Variants in MAP3K3 observed in about 807,000 individuals in gnomAD.
MAP3K3 encodes the protein MAP/ERK kinase kinase 3.
In MAP3K3, 12 loss-of-function variants were observed where a neutral mutation model predicts 80.9. The observed-to-expected ratio is 0.15, with a 90% CI of 0.10 to 0.24. The LOEUF is 0.24. Among genes scored for constraint, MAP3K3 ranks in the 10% least tolerant of loss-of-function variants. MAP3K3 has a pLI of 1.00. For synonymous variants in MAP3K3, 272 were observed against 307.1 expected (o/e 0.89, Z 1.19); for missense variants, 596 against 834.7 (o/e 0.71, Z 3.52).
Position 63,657,876 on chromosome 17 carries a change from G to C in MAP3K3, c.350G>C (p.Arg117Thr), listed in dbSNP as rs1404085613. The C allele has an allele frequency of 6.2e-7, 1 of 1,604,794 alleles. No individual in the cohort carries two copies. The highest frequency in any genetic ancestry group is 1.3e-5 in the African/African-American group (1 of 74,716). Residue 117 changes from arginine to threonine, a missense_variant, in exon 5 of 16, where the codon AGG becomes ACG. By Grantham distance (71) the Arg-to-Thr change is moderately conservative (BLOSUM62 -1). This residue lies in a region of MAP3K3 where 232 missense variants were observed against 245.8 expected (regional missense o/e 0.94). Coordinates refer to ENST00000361733, the MANE Select transcript of MAP3K3 (RefSeq NM_002401.5). Reference sequence around the variant, plus strand: ...AGAAGCTCAAGCATGAAAAGCCTTAGGATATTGCTGTTGTCCCAGGACAGA... The same window carrying C: ...AGAAGCTCAAGCATGAAAAGCCTTACGATATTGCTGTTGTCCCAGGACAGA... ...LDRSSSMKSL[R>T]ILLLSQDRNH... is the part of the protein sequence containing the mutation.
At chr17:63,660,372 C>CTT (rs796191998) in intron 5 of MAP3K3, among the ~76,000 whole-genome samples, 2 of 142,284 alleles carry the variant, frequency 1.4e-5, no homozygotes, top group African/African-American at 5.1e-5. Context: ...CTTGGCTTTT[C>CTT]TTTTTTTTTT....
At chr17:63,688,083 T>G in intron 8 of MAP3K3, 1 of 229,542 alleles carries the variant, frequency 4.4e-6, no homozygotes, top group Non-Finnish European at 8.7e-6. Flanking sequence ...ATTTTTATTA[T>G]ATGGTGTATT....
rs2035332799 is a variant in MAP3K3, at chr17:63,681,414, TAG to T, written c.503-349_503-348del. Among the ~76,000 whole-genome samples, 4 of 152,306 alleles carry T rather than the reference TAG, an allele frequency of 2.6e-5. No homozygotes were observed. The South Asian group carries it at 8.3e-4, about 32-fold the overall frequency. ...ATGGGAGGAAATGGCATTAGTGCTC[TAG>T]AGGAAGAGAGAAGGTGACATTATGA... On this transcript the variant is annotated intron_variant, in intron 6 of 15. Coordinates refer to ENST00000361733, the MANE Select transcript of MAP3K3 (RefSeq NM_002401.5).
chr17:63,665,439 A>G (rs2034981739), intron 5 of MAP3K3, among the ~76,000 whole-genome samples: 1 of 152,110 alleles, frequency 6.6e-6, no homozygotes, highest in Non-Finnish European at 1.5e-5. Flanking sequence ...TGCTGGGATT[A>G]TAGGCATGAG....
At chr17:63,675,653 G>A (rs2035203930) in intron 6 of MAP3K3, among the ~76,000 whole-genome samples, 1 of 152,218 alleles carries the variant, frequency 6.6e-6, no homozygotes, top group African/African-American at 2.4e-5. Flanking sequence ...CTCCTTCTGT[G>A]TAAAATACCT....
chr17:63,627,184 A>G (rs1259368184), intron 1 of MAP3K3, among the ~76,000 whole-genome samples: 1 of 152,204 alleles, frequency 6.6e-6, no homozygotes, highest in African/African-American at 2.4e-5. Context: ...CTGGGGAATT[A>G]CTTAAAACTG....
intron 6 of MAP3K3, among the ~76,000 whole-genome samples, chr17:63,677,082 TG>T (rs1423474468): frequency 1.1e-4 from 16 of 152,192 alleles, no homozygotes. Flanking sequence ...TACTGTGAGA[TG>T]GGGTTATGCG....
chr17:63,665,580 G>A (rs575120291), intron 5 of MAP3K3, among the ~76,000 whole-genome samples: 1 of 152,284 alleles, frequency 6.6e-6, no homozygotes, highest in East Asian at 1.9e-4. Flanking sequence ...ATTCAGGCAG[G>A]TGGCAGGGTG....
At chr17:63,681,726 C>A in intron 6 of MAP3K3, 40 bp from the exon 7 acceptor site, 2 of 1,387,234 alleles carry the variant, frequency 1.4e-6, no homozygotes, top group African/African-American at 1.5e-5. Flanking sequence ...GGCCACACAC[C>A]CTGGGCTCTG....
chr17:63,669,746 C>T (rs2035067079), intron 6 of MAP3K3, among the ~76,000 whole-genome samples: 1 of 152,214 alleles, frequency 6.6e-6, no homozygotes, highest in African/African-American at 2.4e-5. Context: ...GCCACCACGC[C>T]TCAACCTATC....
chr17:63,653,568 A>G (rs1470782574), intron 4 of MAP3K3, among the ~76,000 whole-genome samples: 1 of 152,134 alleles, frequency 6.6e-6, no homozygotes, highest in Non-Finnish European at 1.5e-5. Context: ...AATCATTGTT[A>G]TTATTTTAGT....
chr17:63,637,297 A>T (rs988491265), intron 2 of MAP3K3, among the ~76,000 whole-genome samples: 4 of 152,210 alleles, frequency 2.6e-5, no homozygotes, highest in Non-Finnish European at 4.4e-5. Flanking sequence ...ACAACAGTTA[A>T]CATCAATGCT....
chr17:63,629,634 C>T (rs2034176284), intron 1 of MAP3K3, among the ~76,000 whole-genome samples: 1 of 152,206 alleles, frequency 6.6e-6, no homozygotes, highest in Non-Finnish European at 1.5e-5. Flanking sequence ...TGATTTACTT[C>T]CTGTCTTTAT....
rs1258940147 is a variant in MAP3K3, at chr17:63,636,588, TGCTGGCCTGTG to T, written c.126+3791_126+3801del. On this transcript the variant is annotated intron_variant, in intron 2 of 15. Coordinates refer to ENST00000361733, the MANE Select transcript of MAP3K3 (RefSeq NM_002401.5). The stretch of plus-strand genomic sequence containing the variant: ...TGACAACTTAGTATAGTGAAAAGAG[TGCTGGCCTGTG>T]GCTGAACATGCTGGAGAAGAGCTTG... 4.0e-5 allele frequency: 7 copies of T among 173,080 alleles called. No individual in the cohort carries two copies. The South Asian group carries it at 5.1e-4, about 13-fold the overall frequency. The allele number at this position is 173,080 out of a possible 1,614,324, so 10.7% of individuals were successfully genotyped here.
chr17:63,630,694 T>C (rs996377780), intron 1 of MAP3K3, among the ~76,000 whole-genome samples: 1 of 152,146 alleles, frequency 6.6e-6, no homozygotes, highest in Non-Finnish European at 1.5e-5. Flanking sequence ...GGGATATATA[T>C]GTGTTAATTT....
Position 63,641,749 on chromosome 17 carries a change from A to T in MAP3K3, c.127-4285A>T, listed in dbSNP as rs561188825. ...GGCTACATATAGAGATTGAGGAATCATCTATTTAGAGGCCCACTGAGAAGT... is the reference window on the plus strand; with the variant it reads ...GGCTACATATAGAGATTGAGGAATCTTCTATTTAGAGGCCCACTGAGAAGT... On this transcript the variant is annotated intron_variant, in intron 2 of 15. Transcript: ENST00000361733. Among the ~76,000 whole-genome samples the T allele has an allele frequency of 4.6e-5, 7 of 152,234 alleles. No homozygotes were observed. The East Asian group carries it at 1.4e-3, about 29-fold the overall frequency.
intron 6 of MAP3K3, among the ~76,000 whole-genome samples, chr17:63,676,264 T>G (rs946760539): frequency 5.3e-5 from 8 of 152,192 alleles, no homozygotes; most frequent in Non-Finnish European, 1.2e-4. Flanking sequence ...CCCCAGACCC[T>G]CCTGGGTCTG....
At chr17:63,655,533 G>A (rs757230947) in intron 4 of MAP3K3, among the ~76,000 whole-genome samples, 21 of 152,072 alleles carry the variant, frequency 1.4e-4, no homozygotes, top group African/African-American at 3.1e-4. Flanking sequence ...ACTTTGTTGC[G>A]CAGGCCAGAG....
chr17:63,656,211 C>T (rs866426455), intron 4 of MAP3K3, among the ~76,000 whole-genome samples: 3 of 151,468 alleles, frequency 2.0e-5, no homozygotes, highest in African/African-American at 2.4e-5. Context: ...GCCTGGGCAA[C>T]AGAGGGAGAT....
Sources: gnomAD v4.1 joint callset for allele counts (sites outside exome capture counted in the v4.1 genomes callset) on GRCh38, gnomAD v4.1.1 for gene constraint, gnomAD v4.1.1 regional missense constraint, MANE v1.5 for transcripts, NCBI Gene and HGNC (gene_info 2026-07-23, HGNC 2026-07-21) for gene names.